PMFBP1: variants seen among roughly 807,000 people sequenced by gnomAD.
The protein encoded by PMFBP1 is polyamine-modulated factor 1-binding protein 1.
In PMFBP1, 131 loss-of-function variants were observed where a neutral mutation model predicts 137.8. The observed-to-expected ratio is 0.95, with a 90% CI of 0.82 to 1.10. The LOEUF is 1.10. Among genes scored for constraint, PMFBP1 ranks in the 50% least tolerant of loss-of-function variants. PMFBP1 has a pLI of 0.00. For missense variants in PMFBP1, 1,199 were observed against 1,175.4 expected (o/e 1.02, Z -0.29); for synonymous variants, 490 against 450.4 (o/e 1.09, Z -1.11).
chr16:72,120,987 A>G (rs555270091), intron 19 of PMFBP1, among the ~76,000 whole-genome samples: 16 of 152,324 alleles, frequency 1.1e-4, no homozygotes, highest in African/African-American at 3.8e-4. Flanking sequence ...AGCTACTATC[A>G]TCATTAAAAG....
the PMFBP1 span, among the ~76,000 whole-genome samples, chr16:72,189,169 A>C: frequency 6.6e-6 from 1 of 152,196 alleles, no homozygotes; most frequent in Non-Finnish European, 1.5e-5. Context: ...CCAGAGGCAG[A>C]CACTATTATT....
the PMFBP1 span, among the ~76,000 whole-genome samples, chr16:72,213,205 G>T: frequency 0.03 from 4,554 of 150,258 alleles, 123 homozygotes; most frequent in Non-Finnish European, 0.046. Context: ...CCCGGGGGGG[G>T]GTGGGGAAAG....
upstream of PMFBP1, among the ~76,000 whole-genome samples, chr16:72,173,510 CA>C (rs1430560580): frequency 6.6e-6 from 1 of 152,076 alleles, no homozygotes; most frequent in Non-Finnish European, 1.5e-5. Flanking sequence ...CTAACATTTG[CA>C]TGAAAATATA....
chr16:72,125,942 C>A, intron 15 of PMFBP1, 26 bp downstream of exon 15: 2 of 1,610,576 alleles, frequency 1.2e-6, no homozygotes, highest in Non-Finnish European at 1.7e-6. Flanking sequence ...GAAAACAGCC[C>A]TGGAGACTAG....
chr16:72,136,354 G>T, intron 9 of PMFBP1, 94 bp downstream of exon 9: 1 of 1,437,940 alleles, frequency 7.0e-7, no homozygotes. Context: ...GGCTCCCAAA[G>T]CAATAATGGT....
chr16:72,119,927 C>T lies in PMFBP1; in HGVS notation c.2931G>A (p.Leu977=). 6.2e-7 allele frequency: 1 copy of T among 1,614,230 alleles called. No homozygotes were observed. Among genetic ancestry groups the T allele is most frequent in the Non-Finnish European group, 8.5e-7 (1 of 1,180,034 alleles). The part of the protein sequence containing the change: ...STQREKVCGT[L]GWKGLPQDMG... The stretch of plus-strand genomic sequence containing the variant: ...TATCCTGGGGCAACCCCTTCCAGCC[C>T]AAGGTGCCGCACACTTTCTCCCTCT... The change falls in exon 20 of 21, where the codon TTG becomes TTA. Residue 977 remains leucine, a synonymous_variant. Coordinates refer to ENST00000237353, the MANE Select transcript of PMFBP1 (RefSeq NM_031293.3).
the PMFBP1 span, among the ~76,000 whole-genome samples, chr16:72,232,078 TG>T: frequency 1.4e-4 from 22 of 152,136 alleles, no homozygotes; most frequent in Non-Finnish European, 2.6e-4. Flanking sequence ...AGAAAAACAA[TG>T]GTTGTGTGGA....
chr16:72,179,417 G>T (rs12926250), upstream of PMFBP1, among the ~76,000 whole-genome samples: 11,182 of 152,154 alleles, frequency 0.073, 483 homozygotes, highest in Non-Finnish European at 0.098. Context: ...TCTGTTTATT[G>T]TGTCTGAATT....
chr16:72,150,793 C>T lies in PMFBP1; in HGVS notation c.451G>A (p.Glu151Lys), dbSNP rs777864763. The T allele has an allele frequency of 5.6e-6, 9 of 1,614,004 alleles. No individual in the cohort carries two copies. The highest frequency in any genetic ancestry group is 5.3e-5 in the African/African-American group (4 of 74,904). The change falls in exon 5 of 21, where the codon GAG becomes AAG. Residue 151 changes from glutamate to lysine, a missense_variant. Physicochemically the swap from Glu to Lys is moderately conservative, Grantham distance 56. Coordinates refer to ENST00000237353, the MANE Select transcript of PMFBP1 (RefSeq NM_031293.3). ...AAATGGAGCTTCTCCCCTGTGTTCTCGTTGTGATTTCCCATTTCCTCCTCA... is the reference window on the plus strand; with the variant it reads ...AAATGGAGCTTCTCCCCTGTGTTCTTGTTGTGATTTCCCATTTCCTCCTCA... ...LYEEEMGNHN[E>K]NTGEKLHLAQ... is the part of the protein sequence containing the mutation.
chr16:72,155,466 C>T (rs1213007926), intron 3 of PMFBP1, among the ~76,000 whole-genome samples: 1 of 152,194 alleles, frequency 6.6e-6, no homozygotes, highest in Non-Finnish European at 1.5e-5. Context: ...TATTTCTGTG[C>T]ATTTTAACTT....
At chr16:72,140,317 A>C in intron 6 of PMFBP1, 95 bp downstream of exon 6, 1 of 1,319,300 alleles carries the variant, frequency 7.6e-7, no homozygotes, top group Non-Finnish European at 1.1e-6. Context: ...TTCTCGGCGA[A>C]AAAGATTAAT....
chr16:72,122,467 C>G (rs568385753), intron 19 of PMFBP1, among the ~76,000 whole-genome samples: 127 of 152,302 alleles, frequency 8.3e-4, no homozygotes, highest in Non-Finnish European at 1.6e-3. Context: ...GGAAGCAAGA[C>G]CACAGGCCCC....
At chr16:72,196,466 A>G in the PMFBP1 span, among the ~76,000 whole-genome samples, 1 of 152,120 alleles carries the variant, frequency 6.6e-6, no homozygotes, top group Admixed American at 6.5e-5. Flanking sequence ...ATCAGTAAAC[A>G]TAACACCTGT....
At position 72,139,306 on chromosome 16, in the gene PMFBP1, A is replaced by G. The variant is rs111434873; in HGVS notation, c.901T>C (p.Cys301Arg). The change falls in exon 7 of 21, where the codon TGT becomes CGT. Residue 301 changes from cysteine to arginine, a missense_variant. Physicochemically the swap from Cys to Arg is radical, Grantham distance 180. Transcript: ENST00000237353. ...TCTCCCACCTTTTTGATGTCTTCAC[A>G]CTCTTCTGAGGAGCTAGGAGGGTAT... ...HRYPPSSSEE[C>R]EDIKKILKHL... 6.2e-7 allele frequency: 1 copy of G among 1,613,610 alleles called. No individual in the cohort carries two copies. The highest frequency in any genetic ancestry group is 8.5e-7 in the Non-Finnish European group (1 of 1,179,606).
In PMFBP1 at chr16:72,126,009, A is replaced by G; in HGVS notation, c.2212T>C (p.Ser738Pro). The G allele has an allele frequency of 1.9e-6, 3 of 1,614,136 alleles. No homozygotes were observed. Among genetic ancestry groups the G allele is most frequent in the Non-Finnish European group, 2.5e-6 (3 of 1,180,022 alleles). ...GTCAGGTCATCCTGGCAGGCGGCTG[A>G]CTTCCGGGATAATGCATCATAGGCT... Reference protein sequence around the residue: ...KEAYDALSRKSAACQDDLTQA... With the variant: ...KEAYDALSRKPAACQDDLTQA... The change falls in exon 15 of 21, where the codon TCA becomes CCA. Residue 738 changes from serine to proline, a missense_variant. By Grantham distance (74) the Ser-to-Pro change is moderately conservative. Transcript: ENST00000237353.
At chr16:72,198,256 T>C in the PMFBP1 span, among the ~76,000 whole-genome samples, 19 of 151,942 alleles carry the variant, frequency 1.3e-4, no homozygotes, top group Admixed American at 9.8e-4. Flanking sequence ...CATCATAGAG[T>C]GAGGCCACTT....
At chr16:72,139,924 T>G (rs180727309) in intron 6 of PMFBP1, among the ~76,000 whole-genome samples, 2 of 152,332 alleles carry the variant, frequency 1.3e-5, no homozygotes, top group Admixed American at 1.3e-4. Flanking sequence ...CTTCTCTCAC[T>G]TCCACTAAGG....
At chr16:72,153,509 T>G (rs757656380) in intron 4 of PMFBP1, among the ~76,000 whole-genome samples, 9 of 152,130 alleles carry the variant, frequency 5.9e-5, no homozygotes, top group Non-Finnish European at 1.2e-4. Flanking sequence ...TCCCATCATT[T>G]AGAACCCATG....
chr16:72,131,334 C>T (rs1375768213), intron 10 of PMFBP1, among the ~76,000 whole-genome samples: 1 of 152,014 alleles, frequency 6.6e-6, no homozygotes, highest in Non-Finnish European at 1.5e-5. Flanking sequence ...ATGAGTGGGG[C>T]TTTGGAGGAC....
Sources: allele counts gnomAD v4.1 joint callset (sites outside exome capture counted in the v4.1 genomes callset), GRCh38; gene constraint gnomAD v4.1.1; transcripts MANE v1.5; gene names NCBI Gene and HGNC (gene_info 2026-07-23, HGNC 2026-07-21).